The following CRY2 variants were observed in gnomAD, a reference collection of about 807,000 sequenced individuals.
CRY2 encodes cryptochrome circadian regulator 2.
Under a neutral mutation model 69.5 loss-of-function variants are expected in CRY2, and 31 were observed. The observed-to-expected ratio is 0.45, with a 90% confidence interval of 0.34 to 0.60. The LOEUF is 0.60. CRY2 is among the 20% of genes least tolerant of loss of function. The pLI, the probability that CRY2 is intolerant of heterozygous loss-of-function variation, is 0.02. For synonymous variants in CRY2, 303 were observed against 312.2 expected (o/e 0.97, Z 0.31); for missense variants, 606 against 797.8 (o/e 0.76, Z 2.90).
At chr11:45,855,040 A>G (rs1024136697) in intron 1 of CRY2, among the ~76,000 whole-genome samples, 6 of 152,222 alleles carry the variant, frequency 3.9e-5, no homozygotes, top group Non-Finnish European at 7.3e-5. Flanking sequence ...TCTGGTTATA[A>G]TGTTAATTTA....
chr11:45,870,727 A>G (rs2086372356), intron 9 of CRY2, 115 bp from the exon 10 acceptor site: 3 of 1,102,992 alleles, frequency 2.7e-6, no homozygotes, highest in Non-Finnish European at 1.3e-6. Flanking sequence ...GTGGGAGGAA[A>G]TGGAACCTCA....
chr11:45,880,659 T>G (rs971754870), intron 11 of CRY2, among the ~76,000 whole-genome samples: 1 of 152,178 alleles, frequency 6.6e-6, no homozygotes, highest in African/African-American at 2.4e-5. Flanking sequence ...TCCTCTGCTG[T>G]CCGCAGCCCT....
chr11:45,875,755 G>GAGTACA (rs1250248586), intron 11 of CRY2, among the ~76,000 whole-genome samples: 1 of 152,182 alleles, frequency 6.6e-6, no homozygotes, highest in Non-Finnish European at 1.5e-5. Context: ...GAGAGAAGAA[G>GAGTACA]AGTACACCAT....
In CRY2 at chr11:45,870,400, A is replaced by G; in HGVS notation, c.1417A>G (p.Ile473Val). 6.2e-7 allele frequency: 1 copy of G among 1,614,250 alleles called. No individual in the cohort carries two copies. Among genetic ancestry groups the G allele is most frequent in the Non-Finnish European group, 8.5e-7 (1 of 1,180,034 alleles). Reference protein sequence around the residue: ...IYEPWNAPESIQKAAKCIIGV... With the variant: ...IYEPWNAPESVQKAAKCIIGV... ...TGAGCCCTGGAATGCCCCAGAGTCA[A>G]TTCAGAAGGCAGCCAAGTGCATCAT... is the stretch of plus-strand genomic sequence containing the variant. The change falls in exon 9 of 12, where the codon ATT (isoleucine) becomes GTT (valine). Residue 473 changes from isoleucine (I) to valine (V), a missense_variant. This residue lies in a region of CRY2 where 173 missense variants were observed against 213.7 expected (regional missense o/e 0.81). Coordinates refer to ENST00000616080, the MANE Select transcript of CRY2 (RefSeq NM_021117.5).
chr11:45,862,523 C>G (rs2086296070), intron 5 of CRY2, among the ~76,000 whole-genome samples: 1 of 152,174 alleles, frequency 6.6e-6, no homozygotes, highest in Admixed American at 6.5e-5. Flanking sequence ...TATCCCTTAT[C>G]CAAAGTGCTT....
intron 1 of CRY2, among the ~76,000 whole-genome samples, chr11:45,851,417 AGT>A (rs1301273408): frequency 6.6e-6 from 1 of 152,208 alleles, no homozygotes; most frequent in Non-Finnish European, 1.5e-5. Flanking sequence ...CATGAGAACA[AGT>A]GTGTCTCTCT....
At chr11:45,856,200 T>C in intron 2 of CRY2, 110 bp downstream of exon 2, 2 of 927,174 alleles carry the variant, frequency 2.2e-6, no homozygotes, top group Non-Finnish European at 3.3e-6. Context: ...TCAGGGCTGG[T>C]CTGGCTGTTG....
intron 2 of CRY2, 124 bp downstream of exon 2, chr11:45,856,214 C>A: frequency 1.2e-6 from 1 of 841,924 alleles, no homozygotes. Flanking sequence ...GCTGTTGCTG[C>A]TAGAGAAGTT....
At chr11:45,855,874 A>T in intron 1 of CRY2, 108 bp from the exon 2 acceptor site, 1 of 936,504 alleles carries the variant, frequency 1.1e-6, no homozygotes, top group Non-Finnish European at 1.7e-6. Flanking sequence ...AGTGATCATG[A>T]GGCTGCCTGT....
At chr11:45,874,705 G>A (rs2086412571) in intron 11 of CRY2, among the ~76,000 whole-genome samples, 1 of 152,238 alleles carries the variant, frequency 6.6e-6, no homozygotes, top group Admixed American at 6.5e-5. Flanking sequence ...AGCACTTTGG[G>A]AGGCTGAGGC....
rs750467864 is a variant in CRY2, at chr11:45,870,222, G to C, written c.1346+18G>C. 4 of 1,609,824 alleles carry C rather than the reference G, an allele frequency of 2.5e-6. No homozygotes were observed. Among genetic ancestry groups the C allele is most frequent in the Non-Finnish European group, 3.4e-6 (4 of 1,177,420 alleles). On this transcript the variant is annotated intron_variant, in intron 8 of 11. Transcript: ENST00000616080. ...TACATCAGGTGAGGATACAGACCAG[G>C]CTCTCTGGCCTCTGACCACTGTGGC...
Position 45,870,165 on chromosome 11 carries a change from G to T in CRY2, c.1307G>T (p.Gly436Val). Residue 436 changes from glycine (G) to valine (V), a missense_variant, in exon 8 of 12, where the codon GGC becomes GTC. Coordinates refer to ENST00000616080, the MANE Select transcript of CRY2 (RefSeq NM_021117.5). Reference sequence around the variant, plus strand: ...TTCTTCCACTGCTACTGCCCTGTGGGCTTTGGCCGTCGCACGGACCCCAGT... The same window carrying T: ...TTCTTCCACTGCTACTGCCCTGTGGTCTTTGGCCGTCGCACGGACCCCAGT... ...QQFFHCYCPV[G>V]FGRRTDPSGD... is the part of the protein sequence containing the mutation. The T allele has an allele frequency of 6.2e-7, 1 of 1,613,544 alleles. No individual in the cohort carries two copies.
At chr11:45,868,810 T>C (rs758893989) in intron 6 of CRY2, among the ~76,000 whole-genome samples, 3 of 151,116 alleles carry the variant, frequency 2.0e-5, no homozygotes, top group Non-Finnish European at 3.0e-5. Flanking sequence ...ATTTTTTGTA[T>C]TTTTTTGTAG....
chr11:45,881,617 G>T lies in CRY2; in HGVS notation c.*706G>T, dbSNP rs1382504141. 1 of 152,182 alleles carries T rather than the reference G, an allele frequency of 6.6e-6. No individual in the cohort carries two copies. Among genetic ancestry groups the T allele is most frequent in the Non-Finnish European group, 1.5e-5 (1 of 68,052 alleles). 9.4% of individuals were successfully genotyped at this position (152,182 alleles called of 1,614,324 possible). ...ACCTGACTGGTGTGGGGTATGCCTGGTACTGTAATAGGAGCCTAAGACAGC... is the reference window on the plus strand; with the variant it reads ...ACCTGACTGGTGTGGGGTATGCCTGTTACTGTAATAGGAGCCTAAGACAGC... On this transcript the variant is annotated 3_prime_UTR_variant, in exon 12 of 12. Transcript: ENST00000616080.
At chr11:45,856,511 T>G (rs535304399) in intron 2 of CRY2, among the ~76,000 whole-genome samples, 1 of 152,206 alleles carries the variant, frequency 6.6e-6, no homozygotes, top group Non-Finnish European at 1.5e-5. Context: ...AAGTCAGCCT[T>G]TTCTGCCGGG....
At chr11:45,868,521 G>A (rs547888159) in intron 6 of CRY2, among the ~76,000 whole-genome samples, 1 of 152,238 alleles carries the variant, frequency 6.6e-6, no homozygotes, top group Non-Finnish European at 1.5e-5. Context: ...GTCTTGCTAT[G>A]TTGCCCAGGC....
chr11:45,860,598 G>A (rs2086279450), intron 3 of CRY2, among the ~76,000 whole-genome samples: 1 of 152,070 alleles, frequency 6.6e-6, no homozygotes, highest in Admixed American at 6.6e-5. Context: ...CCGGAATTGA[G>A]TCCCAGCTCT....
At chr11:45,856,945 A>G (rs1320834516) in intron 2 of CRY2, among the ~76,000 whole-genome samples, 1 of 152,212 alleles carries the variant, frequency 6.6e-6, no homozygotes, top group Non-Finnish European at 1.5e-5. Flanking sequence ...CCCTTTAAAA[A>G]GTATATTCTA....
intron 11 of CRY2, among the ~76,000 whole-genome samples, chr11:45,875,489 G>A (rs2086418314): frequency 6.6e-6 from 1 of 152,212 alleles, no homozygotes; most frequent in East Asian, 1.9e-4. Context: ...GCTTGACAGT[G>A]ATTCCAAGGG....
Sources: gnomAD v4.1 joint callset for allele counts (sites outside exome capture counted in the v4.1 genomes callset) on GRCh38, gnomAD v4.1.1 for gene constraint, gnomAD v4.1.1 regional missense constraint, MANE v1.5 for transcripts, NCBI Gene and HGNC (gene_info 2026-07-23, HGNC 2026-07-21) for gene names.